STK32B: variants seen among roughly 807,000 people sequenced by gnomAD.
The protein encoded by STK32B is serine/threonine-protein kinase 32B.
Under a neutral mutation model 52.6 loss-of-function variants are expected in STK32B, and 43 were observed. The ratio of observed to expected loss-of-function variants is 0.82; its 90% CI spans 0.64 to 1.05. STK32B has a LOEUF of 1.05. STK32B is among the 50% of genes least tolerant of loss of function. The pLI, the probability that STK32B is intolerant of heterozygous loss-of-function variation, is 0.00. For missense variants in STK32B, 621 were observed against 534.6 expected, an observed-to-expected ratio of 1.16 and a Z score of -1.59; for synonymous variants, 238 against 204.3, an observed-to-expected ratio of 1.17 and a Z score of -1.41.
rs147987411 is a variant in STK32B, at chr4:5,432,103, G to A, written c.563-14570G>A. 4.0e-3 allele frequency among the ~76,000 whole-genome samples: 610 copies of A among 152,278 alleles called. 1 individual carries two copies. The highest frequency in any genetic ancestry group is 0.014 in the African/African-American group (573 of 41,540). On this transcript the variant is annotated intron_variant, in intron 6 of 11. Coordinates refer to ENST00000282908, the MANE Select transcript of STK32B (RefSeq NM_018401.3). Reference sequence around the variant, plus strand: ...CTTTGTGTCAATCTCTGAAGTAAATGCGTCAATAAGTTGTCTCATTATGGG... The same window carrying A: ...CTTTGTGTCAATCTCTGAAGTAAATACGTCAATAAGTTGTCTCATTATGGG...
At chr4:5,418,573 T>A (rs1294846177) in intron 6 of STK32B, among the ~76,000 whole-genome samples, 1 of 152,218 alleles carries the variant, frequency 6.6e-6, no homozygotes, top group Non-Finnish European at 1.5e-5. Flanking sequence ...TTAGGAAGCA[T>A]AGAATCTGAT....
chr4:5,349,689 C>T lies in STK32B; in HGVS notation c.434+18296C>T, dbSNP rs183989540. Among the ~76,000 whole-genome samples the T allele has an allele frequency of 2.0e-5, 3 of 152,120 alleles. No homozygotes were observed. The East Asian group carries it at 5.8e-4, about 29-fold the overall frequency. Reference sequence around the variant, plus strand: ...AAAAAAAGAATTCAAAATATTGACACTAAAGTTCAGTGAGATAAAAGAGAA... The same window carrying T: ...AAAAAAAGAATTCAAAATATTGACATTAAAGTTCAGTGAGATAAAAGAGAA... On this transcript the variant is annotated intron_variant, in intron 4 of 11. Transcript: ENST00000282908.
rs148389324 is a variant in STK32B, at chr4:5,093,472, A to G, written c.52+41557A>G. Among the ~76,000 whole-genome samples the G allele has an allele frequency of 1.6e-3, 240 of 152,280 alleles. 2 individuals carry two copies. The highest frequency in any genetic ancestry group is 5.1e-3 in the African/African-American group (211 of 41,552). On this transcript the variant is annotated intron_variant, in intron 1 of 11. Transcript: ENST00000282908. ...GCAACTATCGCAAGGACAAAAAACC[A>G]AACACCGCATGTTCTCACTCATAGG...
intron 6 of STK32B, among the ~76,000 whole-genome samples, chr4:5,434,432 ATG>A (rs544048239): frequency 1.8e-3 from 257 of 145,554 alleles, no homozygotes; most frequent in African/African-American, 3.0e-3. Flanking sequence ...GTGTGCATGT[ATG>A]TGTGTGTGTG....
At chr4:5,286,071 C>T (rs566212758) in intron 3 of STK32B, among the ~76,000 whole-genome samples, 1 of 152,036 alleles carries the variant, frequency 6.6e-6, no homozygotes, top group South Asian at 2.1e-4. Context: ...GGAGAGAGGT[C>T]ACTCAAACCA....
rs551475726 is a variant in STK32B at position 5,068,655 on chromosome 4, A to AT, written c.52+16748dup. Among the ~76,000 whole-genome samples the AT allele has an allele frequency of 8.6e-3, 1,302 of 151,840 alleles. 10 individuals are homozygous for AT. The highest frequency in any genetic ancestry group is 0.016 in the South Asian group (75 of 4,804). On this transcript the variant is annotated intron_variant, in intron 1 of 11. Coordinates refer to ENST00000282908, the MANE Select transcript of STK32B (RefSeq NM_018401.3). Reference sequence around the variant, plus strand: ...GCATCCCACCTGCAGAATTATTATTATTTTTTTTACCATAGCTGTGTACTA... The same window carrying AT: ...GCATCCCACCTGCAGAATTATTATTATTTTTTTTTACCATAGCTGTGTACTA...
chr4:5,162,760 A>T (rs67905100), intron 2 of STK32B, among the ~76,000 whole-genome samples: 2 of 152,152 alleles, frequency 1.3e-5, no homozygotes, highest in Non-Finnish European at 2.9e-5. Flanking sequence ...AGCCCTGCCA[A>T]GGACCCCAAA....
intron 11 of STK32B, among the ~76,000 whole-genome samples, chr4:5,494,173 G>A (rs552443295): frequency 6.6e-6 from 1 of 152,300 alleles, no homozygotes; most frequent in East Asian, 1.9e-4. Flanking sequence ...AATGTTGACA[G>A]TGGGGTGTTA....
intron 6 of STK32B, among the ~76,000 whole-genome samples, chr4:5,426,700 A>AAAAAAAAAAAAAAAAAAAAAAG: frequency 1.3e-5 from 2 of 148,850 alleles, no homozygotes; most frequent in Non-Finnish European, 1.5e-5. Context: ...AACAAAAAAA[A>AAAAAAAAAAAAAAAAAAAAAAG]AAAAAAAAAA....
intron 1 of STK32B, among the ~76,000 whole-genome samples, chr4:5,076,362 G>A (rs1370890171): frequency 3.3e-5 from 5 of 151,990 alleles, no homozygotes; most frequent in Non-Finnish European, 5.9e-5. Context: ...CTATTTTGGG[G>A]GCATTTAGCT....
intron 1 of STK32B, among the ~76,000 whole-genome samples, chr4:5,138,177 G>C (rs553866856): frequency 6.6e-6 from 1 of 152,282 alleles, no homozygotes; most frequent in African/African-American, 2.4e-5. Context: ...AAAGAACCAA[G>C]GTTTTAGTAA....
chr4:5,467,766 A>G lies in STK32B; in HGVS notation c.1042-240A>G, dbSNP rs1205313713. 6.6e-6 allele frequency among the ~76,000 whole-genome samples: 1 copy of G among 152,110 alleles called. No individual in the cohort carries two copies. The highest frequency in any genetic ancestry group is 1.5e-5 in the Non-Finnish European group (1 of 68,026). On this transcript the variant is annotated intron_variant, in intron 10 of 11. Transcript: ENST00000282908. The surrounding 1 kb of genome is among the most constrained non-coding windows in gnomAD (Gnocchi z 5.8). ...ATTTCAGCCCATATTCCATTCTAAC[A>G]TGGCTTTTAAGTTGGATTTCATGGC...
intron 3 of STK32B, among the ~76,000 whole-genome samples, chr4:5,222,962 C>T (rs1386104765): frequency 6.6e-6 from 1 of 152,220 alleles, no homozygotes; most frequent in Non-Finnish European, 1.5e-5. Flanking sequence ...GTACCCATCA[C>T]AGGCCCAGAG....
At chr4:5,283,878 A>G (rs1047885588) in intron 3 of STK32B, among the ~76,000 whole-genome samples, 2 of 152,176 alleles carry the variant, frequency 1.3e-5, no homozygotes, top group Admixed American at 6.5e-5. Flanking sequence ...AAAGGCCACT[A>G]ACTAAAAACA....
intron 3 of STK32B, among the ~76,000 whole-genome samples, chr4:5,193,539 C>A (rs1370665039): frequency 6.6e-6 from 1 of 152,222 alleles, no homozygotes; most frequent in Non-Finnish European, 1.5e-5. Context: ...ATGCAGCCTG[C>A]AGAGATGGTC....
In STK32B at chr4:5,064,798, C is replaced by T. The variant is rs1013211970; in HGVS notation, c.52+12883C>T. ...TACATATATAATATATAAATATATA[C>T]TTATGTTGTATACATATATAATATA... On this transcript the variant is annotated intron_variant, in intron 1 of 11. Transcript: ENST00000282908. 3.3e-5 allele frequency among the ~76,000 whole-genome samples: 4 copies of T among 119,420 alleles called. 1 individual carries two copies. The highest frequency in any genetic ancestry group is 6.8e-5 in the Non-Finnish European group (4 of 59,142). The allele number at this position is 119,420 out of a possible 152,430, so 78.3% of individuals were successfully genotyped here. A position where few individuals can be genotyped will look rare whatever the true frequency, so the allele number is the denominator to read the frequency against.
intron 3 of STK32B, among the ~76,000 whole-genome samples, chr4:5,324,958 A>C (rs933602344): frequency 7.2e-5 from 11 of 152,174 alleles, no homozygotes; most frequent in Non-Finnish European, 1.5e-4. Flanking sequence ...GCATGGGAGA[A>C]GCCTACTGAG....
intron 3 of STK32B, among the ~76,000 whole-genome samples, chr4:5,172,013 AG>A (rs1719416098): frequency 6.6e-6 from 1 of 151,868 alleles, no homozygotes; most frequent in Non-Finnish European, 1.5e-5. Flanking sequence ...CTCCTTGAAG[AG>A]GTCCTTCACA....
At chr4:5,416,529 C>T (rs923295937) in intron 5 of STK32B, among the ~76,000 whole-genome samples, 1 of 152,158 alleles carries the variant, frequency 6.6e-6, no homozygotes, top group Non-Finnish European at 1.5e-5. Context: ...TGAGAGAAGG[C>T]GTCTGGAGTG....
Sources: gnomAD v4.1 joint callset for allele counts (sites outside exome capture counted in the v4.1 genomes callset) on GRCh38, gnomAD v4.1.1 for gene constraint, Gnocchi (gnomAD v3.1) non-coding constraint, MANE v1.5 for transcripts, NCBI Gene and HGNC (gene_info 2026-07-23, HGNC 2026-07-21) for gene names.